The following CCSER1 variants were observed in gnomAD, a reference collection of about 807,000 sequenced individuals.
CCSER1 encodes coiled-coil serine rich protein 1, also known as serine-rich coiled-coil domain-containing protein 1.
Under a neutral mutation model 82.0 loss-of-function variants are expected in CCSER1, and 41 were observed. The ratio of observed to expected loss-of-function variants is 0.50; its 90% confidence interval spans 0.39 to 0.65. The LOEUF is 0.65. CCSER1 is among the 30% of genes least tolerant of loss of function. The pLI, the probability that CCSER1 is intolerant of heterozygous loss-of-function variation, is 0.00. For synonymous variants in CCSER1, 414 were observed against 383.9 expected (o/e 1.08, Z -0.92); for missense variants, 1,119 against 1,064.2 (o/e 1.05, Z -0.72).
intron 1 of CCSER1, among the ~76,000 whole-genome samples, chr4:90,188,277 G>C (rs1049920817): frequency 2.0e-5 from 3 of 151,648 alleles, no homozygotes; most frequent in African/African-American, 7.3e-5. Context: ...AGATAGTGGA[G>C]TTAAAGGATT....
intron 8 of CCSER1, among the ~76,000 whole-genome samples, chr4:90,833,002 C>A (rs187098759): frequency 6.6e-6 from 1 of 152,158 alleles, no homozygotes; most frequent in Non-Finnish European, 1.5e-5. Context: ...AATGGTCTTT[C>A]GTTATTCACA....
intron 6 of CCSER1, among the ~76,000 whole-genome samples, chr4:90,723,464 G>A (rs1743045842): frequency 6.6e-6 from 1 of 151,586 alleles, no homozygotes; most frequent in South Asian, 2.1e-4. Context: ...TGGCAGATTG[G>A]TTTACATAAT....
intron 10 of CCSER1, among the ~76,000 whole-genome samples, chr4:91,584,399 A>C (rs558556065): frequency 6.6e-6 from 1 of 151,658 alleles, no homozygotes; most frequent in South Asian, 2.1e-4. Context: ...AGGTAGTATA[A>C]ATTGTTTTTG....
intron 10 of CCSER1, among the ~76,000 whole-genome samples, chr4:91,180,843 G>A (rs1318338838): frequency 6.6e-6 from 1 of 152,206 alleles, no homozygotes; most frequent in Non-Finnish European, 1.5e-5. Flanking sequence ...TTTATTAACA[G>A]CAAACCAGTC....
intron 3 of CCSER1, among the ~76,000 whole-genome samples, chr4:90,351,419 A>T (rs185304415): frequency 6.6e-6 from 1 of 152,334 alleles, no homozygotes; most frequent in East Asian, 1.9e-4. Flanking sequence ...GTAACAAAGC[A>T]TGCAAGATTT....
At chr4:90,506,291 C>T (rs1435588953) in intron 5 of CCSER1, among the ~76,000 whole-genome samples, 1 of 151,856 alleles carries the variant, frequency 6.6e-6, no homozygotes, top group Admixed American at 6.6e-5. Context: ...GAAAAAAATG[C>T]AGTTCAGAAA....
At chr4:91,403,757 C>T (rs553013210) in intron 10 of CCSER1, among the ~76,000 whole-genome samples, 7 of 152,108 alleles carry the variant, frequency 4.6e-5, no homozygotes, top group East Asian at 1.9e-4. Context: ...ACTTCATCAT[C>T]ATGGATAAGC....
At chr4:90,748,291 G>GT (rs1398155058) in intron 7 of CCSER1, among the ~76,000 whole-genome samples, 1 of 148,362 alleles carries the variant, frequency 6.7e-6, no homozygotes, top group Non-Finnish European at 1.5e-5. Context: ...GCGGTGTTGG[G>GT]TTTTTTGTTC....
chr4:91,395,960 G>A (rs1751953135), intron 10 of CCSER1, among the ~76,000 whole-genome samples: 1 of 152,054 alleles, frequency 6.6e-6, no homozygotes, highest in African/African-American at 2.4e-5. Flanking sequence ...AATAAAATAT[G>A]AAGAATATAT....
Position 90,937,139 on chromosome 4 carries a change from A to G in CCSER1, c.2172+13692A>G, listed in dbSNP as rs535654974. On this transcript the variant is annotated intron_variant, in intron 9 of 10. Transcript: ENST00000509176. ...TCACACCGTATTAAGGGCATAAAGGAGATAAACAGAAAGATGACATTAAGA... is the reference window on the plus strand; with the variant it reads ...TCACACCGTATTAAGGGCATAAAGGGGATAAACAGAAAGATGACATTAAGA... Among the ~76,000 whole-genome samples the G allele has an allele frequency of 4.6e-5, 7 of 152,250 alleles. No individual in the cohort carries two copies. In the East Asian group the frequency reaches 1.4e-3, roughly 29 times the overall value.
intron 10 of CCSER1, among the ~76,000 whole-genome samples, chr4:91,232,305 G>A (rs62311975): frequency 0.13 from 19,885 of 151,704 alleles, 1,846 homozygotes; most frequent in African/African-American, 0.27. Context: ...CTACAATAGC[G>A]AAAGCTTAAA....
chr4:91,332,389 A>T (rs1747019207), intron 10 of CCSER1, among the ~76,000 whole-genome samples: 2 of 151,898 alleles, frequency 1.3e-5, no homozygotes, highest in African/African-American at 4.8e-5. Context: ...GAAATTTTAG[A>T]TATAAATAAT....
intron 10 of CCSER1, among the ~76,000 whole-genome samples, chr4:91,541,214 A>G (rs1761577132): frequency 6.6e-6 from 1 of 152,104 alleles, no homozygotes; most frequent in Non-Finnish European, 1.5e-5. Context: ...CTTCATTGCT[A>G]TCATTCACTA....
chr4:90,414,013 T>TATATATATATATATATATA (rs1755422871), intron 4 of CCSER1, among the ~76,000 whole-genome samples: 5 of 121,296 alleles, frequency 4.1e-5, no homozygotes, highest in African/African-American at 1.6e-4. Flanking sequence ...TATATATATC[T>TATATATATATATATATATA]TCTTCCTAAA....
At chr4:91,452,698 T>G (rs1249435346) in intron 10 of CCSER1, among the ~76,000 whole-genome samples, 1 of 152,084 alleles carries the variant, frequency 6.6e-6, no homozygotes, top group African/African-American at 2.4e-5. Context: ...CCTTAATTTC[T>G]TAGTCACAGC....
At chr4:90,796,895 A>T (rs2149683981) in intron 7 of CCSER1, among the ~76,000 whole-genome samples, 1 of 152,242 alleles carries the variant, frequency 6.6e-6, no homozygotes, top group Non-Finnish European at 1.5e-5. Context: ...GGAGTGTTTT[A>T]CTGCTACTGA....
At chr4:91,498,483 C>T (rs1759044791) in intron 10 of CCSER1, among the ~76,000 whole-genome samples, 1 of 151,134 alleles carries the variant, frequency 6.6e-6, no homozygotes, top group South Asian at 2.1e-4. Context: ...TTCAGGGTGA[C>T]CTTGAGAATG....
At chr4:90,269,178 GA>G (rs1427780082) in intron 1 of CCSER1, among the ~76,000 whole-genome samples, 2 of 152,008 alleles carry the variant, frequency 1.3e-5, no homozygotes, top group Non-Finnish European at 2.9e-5. Flanking sequence ...TATTTAGATT[GA>G]ATAGACTTAA....
intron 10 of CCSER1, among the ~76,000 whole-genome samples, chr4:91,247,256 T>A (rs947923803): frequency 1.3e-5 from 2 of 150,844 alleles, no homozygotes; most frequent in Non-Finnish European, 1.5e-5. Context: ...GAGCCGAGAT[T>A]GTGCCACTGC....
Sources: allele counts gnomAD v4.1 joint callset (sites outside exome capture counted in the v4.1 genomes callset), GRCh38; gene constraint gnomAD v4.1.1; transcripts MANE v1.5; gene names NCBI Gene and HGNC (gene_info 2026-07-23, HGNC 2026-07-21).